ADCY3: variants seen among roughly 807,000 people sequenced by gnomAD.
ADCY3 encodes the protein adenylate cyclase 3, also known as adenylate cyclase type 3.
In ADCY3, 70 loss-of-function variants were observed where a neutral mutation model predicts 119.4. The observed-to-expected ratio is 0.59, with a 90% CI of 0.48 to 0.72. The LOEUF is 0.72. Ranked by LOEUF, ADCY3 falls within the 30% of genes least tolerant of loss-of-function variation. The pLI, the probability that ADCY3 is intolerant of heterozygous loss-of-function variation, is 0.00. For synonymous variants in ADCY3, 672 were observed against 621.4 expected (o/e 1.08, Z -1.21); for missense variants, 1,238 against 1,541.6 (o/e 0.80, Z 3.30).
chr2:24,823,380 C>T (rs549761443), intron 17 of ADCY3, 25 bp from the exon 18 acceptor site: 2 of 1,607,100 alleles, frequency 1.2e-6, no homozygotes, highest in Non-Finnish European at 1.7e-6. Context: ...GGACAACGTG[C>T]TCAAAGCATG....
intron 2 of ADCY3, among the ~76,000 whole-genome samples, chr2:24,887,220 G>A (rs548452426): frequency 2.0e-5 from 3 of 152,234 alleles, no homozygotes; most frequent in South Asian, 2.1e-4. Context: ...TAATACCATC[G>A]GATCTTGTGA....
chr2:24,843,662 C>T (rs1456280853), intron 3 of ADCY3, among the ~76,000 whole-genome samples: 1 of 152,224 alleles, frequency 6.6e-6, no homozygotes, highest in Non-Finnish European at 1.5e-5. Context: ...GTGCCGGTCT[C>T]TGGAACAGGG....
chr2:24,835,212 G>A lies in ADCY3; in HGVS notation c.1663-276C>T, dbSNP rs562321590. ...GGTCCGCTAATGACAGCATTGTAGG[G>A]AGCAGCCCCTGGCTCCTGAGCAGGA... On this transcript the variant is annotated intron_variant, in intron 9 of 21. Transcript: ENST00000679454. Among the ~76,000 whole-genome samples the A allele has an allele frequency of 3.3e-4, 51 of 152,314 alleles. 3 individuals carry two copies. The South Asian group carries it at 9.1e-3, about 27-fold the overall frequency.
chr2:24,838,581 C>T lies in ADCY3; in HGVS notation c.1397G>A (p.Gly466Glu). The change falls in exon 8 of 22, where the codon GGG becomes GAG. Residue 466 changes from glycine to glutamate, a missense_variant. Physicochemically the swap from Gly to Glu is moderately conservative, Grantham distance 98. Around this residue, in one of 7 missense-constraint regions of ADCY3, gnomAD observed 283 missense variants for 437.2 expected, o/e 0.65. Coordinates refer to ENST00000679454, the MANE Select transcript of ADCY3 (RefSeq NM_004036.5). Reference sequence around the variant, plus strand: ...ATCGCCTGGCTCCACATCAAACTCCCCTTTCAGGCAGTCCATGGTGCTCTG... The same window carrying T: ...ATCGCCTGGCTCCACATCAAACTCCTCTTTCAGGCAGTCCATGGTGCTCTG... ...ISQSTMDCLK[G>E]EFDVEPGDGG... 1 of 1,614,140 alleles carries T rather than the reference C, an allele frequency of 6.2e-7. No individual in the cohort carries two copies. Among genetic ancestry groups the T allele is most frequent in the Admixed American group, 1.7e-5 (1 of 60,026 alleles).
intron 2 of ADCY3, among the ~76,000 whole-genome samples, chr2:24,894,988 C>T (rs1172271476): frequency 6.6e-6 from 1 of 151,902 alleles, no homozygotes; most frequent in African/African-American, 2.4e-5. Flanking sequence ...CTCTCTATGT[C>T]GTGTGTCTTT....
chr2:24,831,991 AGGGGCC>A (rs1398685773), intron 11 of ADCY3: 1 of 79,252 alleles, frequency 1.3e-5, no homozygotes, highest in Non-Finnish European at 2.4e-5. Context: ...GACTGGGGGC[AGGGGCC>A]GGGGGCAGGG....
chr2:24,852,414 G>A (rs1025671906), intron 3 of ADCY3, among the ~76,000 whole-genome samples: 1 of 152,218 alleles, frequency 6.6e-6, no homozygotes, highest in African/African-American at 2.4e-5. Context: ...AGAAGAGGGA[G>A]CGGAGGAGGA....
At chr2:24,865,505 G>GTC (rs1674179642) in intron 3 of ADCY3, among the ~76,000 whole-genome samples, 1 of 139,678 alleles carries the variant, frequency 7.2e-6, no homozygotes, top group Non-Finnish European at 1.5e-5. Flanking sequence ...GTGTGTGTGT[G>GTC]TGTGTGTGTG....
At chr2:24,857,486 A>C (rs924192838) in intron 3 of ADCY3, among the ~76,000 whole-genome samples, 2 of 152,274 alleles carry the variant, frequency 1.3e-5, no homozygotes, top group Non-Finnish European at 2.9e-5. Context: ...TGGCAGCCAC[A>C]TTTAGCTACT....
chr2:24,905,295 G>A (rs990560180), intron 2 of ADCY3, among the ~76,000 whole-genome samples: 39 of 151,768 alleles, frequency 2.6e-4, no homozygotes, highest in African/African-American at 7.8e-4. Context: ...CACCACACCC[G>A]GCTGATTTTT....
chr2:24,905,604 G>T (rs1432487641), intron 2 of ADCY3, among the ~76,000 whole-genome samples: 1 of 152,188 alleles, frequency 6.6e-6, no homozygotes, highest in Non-Finnish European at 1.5e-5. Flanking sequence ...GGCAAGGGCA[G>T]GGCTTGAAGC....
intron 2 of ADCY3, among the ~76,000 whole-genome samples, chr2:24,892,781 C>T (rs2148943894): frequency 6.6e-6 from 1 of 152,170 alleles, no homozygotes; most frequent in African/African-American, 2.4e-5. Context: ...ATTTCTTGTT[C>T]CAAAGTATAT....
In ADCY3 at chr2:24,828,101, C is replaced by G; in HGVS notation, c.2233G>C (p.Gly745Arg). The change falls in exon 14 of 22, where the codon GGC (glycine) becomes CGC (arginine). Residue 745 changes from glycine (G) to arginine (R), a missense_variant. Physicochemically the swap from Gly to Arg is moderately radical, Grantham distance 125 (BLOSUM62 -2). Around this residue, in one of 7 missense-constraint regions of ADCY3, gnomAD observed 499 missense variants for 571.0 expected, o/e 0.87. Coordinates refer to ENST00000679454, the MANE Select transcript of ADCY3 (RefSeq NM_004036.5). The part of the protein sequence containing the change: ...SNATAGMETE[G>R]SCLENPKYYN... ...TACTTGGGGTTCTCCAGGCAGCTGC[C>G]CTCCGTTTCCATCCCTGCCGTTGCA... The G allele has an allele frequency of 6.2e-7, 1 of 1,614,132 alleles. No homozygotes were observed. Among genetic ancestry groups the G allele is most frequent in the Non-Finnish European group, 8.5e-7 (1 of 1,180,024 alleles).
rs370317398 is a variant in ADCY3 at position 24,834,656 on chromosome 2, G to C, written c.1806-10C>G. On this transcript the variant is annotated splice_polypyrimidine_tract_variant and intron_variant, in intron 10 of 21. Coordinates refer to ENST00000679454, the MANE Select transcript of ADCY3 (RefSeq NM_004036.5). The surrounding 1 kb of genome is among the most constrained non-coding windows in gnomAD (Gnocchi z 4.2). ...GTTTCTCTTCTTTACTCTGCAGTGG[G>C]AACAAGCCCCATGAATCCCAAATGC... 10 of 1,611,508 alleles carry C rather than the reference G, an allele frequency of 6.2e-6. No homozygotes were observed. The highest frequency in any genetic ancestry group is 5.1e-6 in the Non-Finnish European group (6 of 1,177,986).
intron 17 of ADCY3, among the ~76,000 whole-genome samples, chr2:24,823,571 G>A (rs1352806334): frequency 6.6e-6 from 1 of 150,416 alleles, no homozygotes; most frequent in African/African-American, 2.4e-5. Flanking sequence ...AGCACAATTA[G>A]GTATGATCGA....
rs879078478 is a variant in ADCY3, at chr2:24,841,182, G to A, written c.1196+77C>T. 30 of 1,456,932 alleles carry A rather than the reference G, an allele frequency of 2.1e-5. No homozygotes were observed. The Admixed American group carries it at 2.3e-4, about 11-fold the overall frequency. The allele number at this position is 1,456,932 out of a possible 1,614,324, so 90.3% of individuals were successfully genotyped here. A position where few individuals can be genotyped will look rare whatever the true frequency, so the allele number is the denominator to read the frequency against. On this transcript the variant is annotated intron_variant, in intron 6 of 21. Transcript: ENST00000679454. The surrounding 1 kb of genome is among the most constrained non-coding windows in gnomAD (Gnocchi z 5.8). ...CCCACCCAGGGGCCATGGCCAGCGC[G>A]GAAGACCTGCTTCTCCCTGGGTCCA...
intron 2 of ADCY3, among the ~76,000 whole-genome samples, chr2:24,906,563 C>T (rs1281882223): frequency 1.3e-5 from 2 of 152,232 alleles, no homozygotes; most frequent in Non-Finnish European, 2.9e-5. Context: ...CAGGGTTGTC[C>T]ACAGTAGAAA....
intron 2 of ADCY3, among the ~76,000 whole-genome samples, chr2:24,875,987 G>GT (rs891482455): frequency 2.1e-4 from 11 of 53,352 alleles, no homozygotes; most frequent in African/African-American, 3.3e-4. Context: ...ACTTCTTTTT[G>GT]GGAGGGGGGC....
intron 2 of ADCY3, among the ~76,000 whole-genome samples, chr2:24,913,338 C>T (rs1664036213): frequency 6.6e-6 from 1 of 152,218 alleles, no homozygotes; most frequent in Non-Finnish European, 1.5e-5. Context: ...ATCCAATTCC[C>T]ATGGGGAGAA....
Sources: allele counts gnomAD v4.1 joint callset (sites outside exome capture counted in the v4.1 genomes callset), GRCh38; gene constraint gnomAD v4.1.1; regional missense constraint gnomAD v4.1.1; non-coding constraint Gnocchi (gnomAD v3.1); transcripts MANE v1.5; gene names NCBI Gene and HGNC (gene_info 2026-07-23, HGNC 2026-07-21).